Variants in PTPDC1 observed in about 807,000 individuals in gnomAD.
PTPDC1 encodes the protein protein tyrosine phosphatase domain containing 1.
In PTPDC1, 53 loss-of-function variants were observed where a neutral mutation model predicts 75.3. The observed-to-expected ratio is 0.70, with a 90% CI of 0.56 to 0.88. The LOEUF (loss-of-function observed/expected upper bound fraction) is 0.88, where lower values mean the gene tolerates loss of function less well. Ranked by LOEUF, PTPDC1 falls within the 40% of genes least tolerant of loss-of-function variation. PTPDC1 has a pLI of 0.00. For synonymous variants in PTPDC1, 349 were observed against 366.2 expected (o/e 0.95, Z 0.54); for missense variants, 925 against 998.6 (o/e 0.93, Z 0.99).
chr9:94,076,640 A>G lies in PTPDC1; in HGVS notation c.83-8611A>G, dbSNP rs73516290. 6.0e-3 allele frequency among the ~76,000 whole-genome samples: 918 copies of G among 152,298 alleles called. 12 individuals carry two copies. Among genetic ancestry groups the G allele is most frequent in the African/African-American group, 0.021 (859 of 41,556 alleles). ...TTTCACTTTTTGGCTATTATGAGTA[A>G]TAATAAAACCTGAGTTTTTGTGTGG... is the stretch of plus-strand genomic sequence containing the variant. On this transcript the variant is annotated intron_variant, in intron 2 of 9. Transcript: ENST00000375360.
intron 4 of PTPDC1, among the ~76,000 whole-genome samples, chr9:94,091,875 G>T (rs1827335842): frequency 6.6e-6 from 1 of 152,056 alleles, no homozygotes; most frequent in African/African-American, 2.4e-5. Flanking sequence ...TTGCATAGAG[G>T]TGTTTGTAGT....
intron 1 of PTPDC1, among the ~76,000 whole-genome samples, chr9:94,047,383 CA>C (rs1198028637): frequency 6.6e-6 from 1 of 152,050 alleles, no homozygotes; most frequent in Non-Finnish European, 1.5e-5. Context: ...AACAAAGACA[CA>C]ACATACCAGA....
At chr9:94,099,744 A>G (rs1408029413) in intron 6 of PTPDC1, among the ~76,000 whole-genome samples, 1 of 152,210 alleles carries the variant, frequency 6.6e-6, no homozygotes, top group Admixed American at 6.5e-5. Flanking sequence ...CAAGAAAGAG[A>G]GTCTTCTATT....
intron 4 of PTPDC1, among the ~76,000 whole-genome samples, chr9:94,094,385 G>C (rs569402707): frequency 6.6e-6 from 1 of 152,064 alleles, no homozygotes; most frequent in Admixed American, 6.5e-5. Flanking sequence ...CAGTTAGGCT[G>C]TTCTGGGGTC....
chr9:94,095,597 C>CTGTA, intron 5 of PTPDC1, 143 bp downstream of exon 5: 1 of 636,800 alleles, frequency 1.6e-6, no homozygotes, highest in Non-Finnish European at 2.7e-6. Flanking sequence ...TTCTAGTGTT[C>CTGTA]TGTACCACTG....
chr9:94,041,874 A>G (rs1587838079), intron 1 of PTPDC1, among the ~76,000 whole-genome samples: 1 of 152,192 alleles, frequency 6.6e-6, no homozygotes, highest in Non-Finnish European at 1.5e-5. Flanking sequence ...TTGCTCTGAT[A>G]TGCTCATCAC....
chr9:94,058,421 A>AG (rs1322041750), intron 1 of PTPDC1, among the ~76,000 whole-genome samples: 1 of 152,112 alleles, frequency 6.6e-6, no homozygotes, highest in African/African-American at 2.4e-5. Flanking sequence ...CTATTGGGCC[A>AG]GGCGCGGTGG....
intron 1 of PTPDC1, among the ~76,000 whole-genome samples, chr9:94,063,321 A>C (rs1405698078): frequency 6.6e-6 from 1 of 152,246 alleles, no homozygotes; most frequent in Non-Finnish European, 1.5e-5. Flanking sequence ...AAATATGGTA[A>C]AAAATGTTTT....
intron 2 of PTPDC1, among the ~76,000 whole-genome samples, chr9:94,072,365 A>G (rs935197472): frequency 2.6e-5 from 4 of 152,236 alleles, no homozygotes; most frequent in Non-Finnish European, 5.9e-5. Flanking sequence ...TAGAAATGCA[A>G]TTGATTTTTG....
upstream of PTPDC1, among the ~76,000 whole-genome samples, chr9:94,081,443 G>T (rs890204679): frequency 4.6e-5 from 7 of 152,096 alleles, no homozygotes; most frequent in African/African-American, 1.7e-4. Flanking sequence ...CAGGAAGATT[G>T]TTTGAGCCTA....
At chr9:94,070,618 A>G (rs1826480359) in intron 2 of PTPDC1, among the ~76,000 whole-genome samples, 1 of 152,204 alleles carries the variant, frequency 6.6e-6, no homozygotes, top group Non-Finnish European at 1.5e-5. Flanking sequence ...AAAATACAGA[A>G]CAGTTCCATC....
chr9:94,036,033 T>A (rs1166147787), intron 1 of PTPDC1, among the ~76,000 whole-genome samples: 21 of 143,442 alleles, frequency 1.5e-4, no homozygotes, highest in Admixed American at 1.1e-3. Flanking sequence ...GTTTTTTTTT[T>A]TGTTTTTTTT....
chr9:94,055,316 ACT>A (rs1587852241), intron 1 of PTPDC1, among the ~76,000 whole-genome samples: 1 of 152,200 alleles, frequency 6.6e-6, no homozygotes, highest in East Asian at 1.9e-4. Context: ...ATACATGCTT[ACT>A]ATATAATCAG....
chr9:94,107,579 G>T (rs1828067352), intron 8 of PTPDC1, among the ~76,000 whole-genome samples: 1 of 152,164 alleles, frequency 6.6e-6, no homozygotes, highest in African/African-American at 2.4e-5. Context: ...TCATGACTGG[G>T]TGTATATAAT....
chr9:94,049,090 A>C (rs1047113892), intron 1 of PTPDC1, among the ~76,000 whole-genome samples: 2 of 151,888 alleles, frequency 1.3e-5, no homozygotes, highest in African/African-American at 2.4e-5. Flanking sequence ...TTTTGAGCCT[A>C]TGTGTGTCTC....
intron 4 of PTPDC1, among the ~76,000 whole-genome samples, chr9:94,093,533 C>A (rs1827412566): frequency 6.6e-6 from 1 of 151,218 alleles, no homozygotes; most frequent in South Asian, 2.1e-4. Flanking sequence ...TCCTTCATTT[C>A]AACTTTGGTG....
intron 7 of PTPDC1, among the ~76,000 whole-genome samples, chr9:94,102,689 C>G (rs531506399): frequency 6.6e-6 from 1 of 152,232 alleles, no homozygotes; most frequent in East Asian, 1.9e-4. Context: ...AAGCGATTCT[C>G]CTGCCTCAGC....
At chr9:94,077,785 G>T (rs1329743148) in intron 2 of PTPDC1, among the ~76,000 whole-genome samples, 2 of 152,152 alleles carry the variant, frequency 1.3e-5, no homozygotes, top group Non-Finnish European at 1.5e-5. Context: ...AGCTGGATTT[G>T]GTGCTGAAAG....
chr9:94,080,118 G>A (rs941737662), upstream of PTPDC1, among the ~76,000 whole-genome samples: 53 of 152,314 alleles, frequency 3.5e-4, no homozygotes, highest in Middle Eastern at 6.8e-3. Context: ...GCAGGATGAG[G>A]AGAGCATCTA....
Sources: gnomAD v4.1 joint callset for allele counts (sites outside exome capture counted in the v4.1 genomes callset) on GRCh38, gnomAD v4.1.1 for gene constraint, MANE v1.5 for transcripts, NCBI Gene and HGNC (gene_info 2026-07-23, HGNC 2026-07-21) for gene names.